Variants in CELF2 observed in about 807,000 individuals in gnomAD.
CELF2 encodes the protein CUG triplet repeat RNA-binding protein 2.
In CELF2, 8 loss-of-function variants were observed where a neutral mutation model predicts 62.6. The ratio of observed to expected loss-of-function variants is 0.13; its 90% confidence interval spans 0.07 to 0.23. The LOEUF (loss-of-function observed/expected upper bound fraction) is 0.23, where lower values mean the gene tolerates loss of function less well. Ranked by LOEUF, CELF2 falls within the 10% of genes least tolerant of loss-of-function variation. CELF2 has a pLI of 1.00. For missense variants in CELF2, 333 were observed against 671.0 expected (o/e 0.50, Z 5.56); for synonymous variants, 258 against 250.0 (o/e 1.03, Z -0.30).
chr10:10,925,460 G>A (rs752097416), intron 2 of CELF2, among the ~76,000 whole-genome samples: 114 of 152,144 alleles, frequency 7.5e-4, no homozygotes, highest in Middle Eastern at 6.8e-3. Context: ...TACCTTGGTT[G>A]TGGGAGAAAA....
chr10:11,026,908 G>A lies in CELF2; in HGVS notation c.74+8745G>A, dbSNP rs142048085. ...TATTTTGACTTCCTACATTATAGGA[G>A]GAGTGTTGAGTTTTCGAGTTGAGCA... is the stretch of plus-strand genomic sequence containing the variant. On this transcript the variant is annotated intron_variant, in intron 1 of 12. Coordinates refer to ENST00000633077, the MANE Select transcript of CELF2 (RefSeq NM_001326342.2). Among the ~76,000 whole-genome samples, 168 of 152,266 alleles carry A rather than the reference G, an allele frequency of 1.1e-3. 1 individual carries two copies. Among genetic ancestry groups the A allele is most frequent in the Non-Finnish European group, 2.0e-3 (137 of 68,012 alleles).
intron 1 of CELF2, among the ~76,000 whole-genome samples, chr10:10,895,695 A>T (rs2062497817): frequency 6.6e-6 from 1 of 152,206 alleles, no homozygotes; most frequent in African/African-American, 2.4e-5. Flanking sequence ...GACTAAATTT[A>T]TTCTCCTGTC....
At chr10:10,863,610 C>T (rs1664281683) in intron 1 of CELF2, among the ~76,000 whole-genome samples, 1 of 152,064 alleles carries the variant, frequency 6.6e-6, no homozygotes, top group Non-Finnish European at 1.5e-5. Context: ...CAGTTTTTTG[C>T]CGTCACTTTT....
At chr10:11,180,854 A>C (rs576102758) in intron 2 of CELF2, among the ~76,000 whole-genome samples, 204 of 149,732 alleles carry the variant, frequency 1.4e-3, no homozygotes, top group Non-Finnish European at 2.4e-3. Context: ...GCATGGAATG[A>C]ATGAATGAAT....
chr10:10,507,685 G>A, the CELF2 span, among the ~76,000 whole-genome samples: 2 of 152,132 alleles, frequency 1.3e-5, no homozygotes, highest in African/African-American at 4.8e-5. Flanking sequence ...AGGAATTTGT[G>A]GGAAGATGGA....
chr10:10,948,544 T>C (rs763688425), intron 2 of CELF2: 9 of 152,238 alleles, frequency 5.9e-5, no homozygotes, highest in African/African-American at 1.9e-4. Context: ...TTTGTGGGCT[T>C]CAATTTAACC....
the CELF2 span, among the ~76,000 whole-genome samples, chr10:10,712,991 C>A: frequency 1.3e-5 from 2 of 152,342 alleles, no homozygotes; most frequent in South Asian, 2.1e-4. Flanking sequence ...GCAAGGCCTC[C>A]AAAACCTGGC....
At chr10:10,857,679 AT>A (rs1193481843) in intron 1 of CELF2, among the ~76,000 whole-genome samples, 1 of 139,150 alleles carries the variant, frequency 7.2e-6, no homozygotes, top group Admixed American at 7.2e-5. Flanking sequence ...ATATATATAT[AT>A]ATTTTACCTC....
the CELF2 span, among the ~76,000 whole-genome samples, chr10:10,668,915 G>T: frequency 1.3e-5 from 2 of 152,128 alleles, no homozygotes; most frequent in Non-Finnish European, 2.9e-5. Context: ...CTGAGATCAT[G>T]CCACTACACT....
In CELF2 at chr10:11,255,266, G is replaced by A. The variant is rs539283421; in HGVS notation, c.404-2472G>A. ...CTCCCTCCCAGGAATTGGAGCCCGG[G>A]GTGCCTGTTGCCCATGTCTCCTCCG... On this transcript the variant is annotated intron_variant, in intron 4 of 12. Transcript: ENST00000633077. This position sits in a 1 kb window ranked among gnomAD's most constrained non-coding sequence, Gnocchi z 5.5. Among the ~76,000 whole-genome samples the A allele has an allele frequency of 6.6e-6, 1 of 152,170 alleles. No individual in the cohort carries two copies. Among genetic ancestry groups the A allele is most frequent in the South Asian group, 2.1e-4 (1 of 4,826 alleles).
intron 1 of CELF2, among the ~76,000 whole-genome samples, chr10:10,860,315 C>G (rs895065867): frequency 3.3e-5 from 5 of 152,124 alleles, no homozygotes; most frequent in African/African-American, 1.2e-4. Flanking sequence ...AATAGTTTGA[C>G]TTCACAGACC....
chr10:11,082,855 C>T lies in CELF2; in HGVS notation c.74+64692C>T, dbSNP rs115776893. Among the ~76,000 whole-genome samples the T allele has an allele frequency of 8.1e-3, 1,229 of 152,286 alleles. 15 individuals are homozygous for T. Among genetic ancestry groups the T allele is most frequent in the African/African-American group, 0.028 (1,177 of 41,556 alleles). On this transcript the variant is annotated intron_variant, in intron 1 of 12. Transcript: ENST00000633077. ...GATGGAGAAAGAAGCTGCCTTCGAGCAAAATGGTCAGAATTTGTTGTCCTT... is the reference window on the plus strand; with the variant it reads ...GATGGAGAAAGAAGCTGCCTTCGAGTAAAATGGTCAGAATTTGTTGTCCTT...
chr10:11,178,206 C>T lies in CELF2; in HGVS notation c.271+12524C>T, dbSNP rs944030384. Among the ~76,000 whole-genome samples, 6 of 152,186 alleles carry T rather than the reference C, an allele frequency of 3.9e-5. No homozygotes were observed. The highest frequency in any genetic ancestry group is 1.9e-4 in the East Asian group (1 of 5,198). ...CCAGTCCTCGCTCCCCTTTGCCAAC[C>T]GGGCTGCTGAGTGTGATGCTCCCTT... On this transcript the variant is annotated intron_variant, in intron 2 of 12. Coordinates refer to ENST00000633077, the MANE Select transcript of CELF2 (RefSeq NM_001326342.2). This position sits in a 1 kb window ranked among gnomAD's most constrained non-coding sequence, Gnocchi z 4.3.
At chr10:11,250,120 T>A (rs2076704433) in intron 4 of CELF2, among the ~76,000 whole-genome samples, 1 of 152,232 alleles carries the variant, frequency 6.6e-6, no homozygotes, top group Admixed American at 6.5e-5. Context: ...TGTAGTGCAT[T>A]CCATTTTCTG....
chr10:11,106,807 C>G (rs2053615437), intron 1 of CELF2, among the ~76,000 whole-genome samples: 1 of 152,226 alleles, frequency 6.6e-6, no homozygotes, highest in African/African-American at 2.4e-5. Flanking sequence ...TGTTTACACA[C>G]CCAGCATGGG....
At chr10:10,507,241 T>C in the CELF2 span, among the ~76,000 whole-genome samples, 2 of 152,120 alleles carry the variant, frequency 1.3e-5, no homozygotes, top group Admixed American at 1.3e-4. Flanking sequence ...TCTATGGAAC[T>C]CTAAGTCAAA....
At chr10:10,601,998 T>A in the CELF2 span, among the ~76,000 whole-genome samples, 1 of 152,174 alleles carries the variant, frequency 6.6e-6, no homozygotes, top group Non-Finnish European at 1.5e-5. Flanking sequence ...TGTTTGGTTT[T>A]TTGTTCCAGT....
chr10:10,800,587 A>G (rs2054562300), intron 1 of CELF2, among the ~76,000 whole-genome samples: 1 of 152,212 alleles, frequency 6.6e-6, no homozygotes, highest in Non-Finnish European at 1.5e-5. Flanking sequence ...TCCTGACCTC[A>G]GGTGATACAC....
At chr10:10,578,706 T>C in the CELF2 span, among the ~76,000 whole-genome samples, 2 of 152,184 alleles carry the variant, frequency 1.3e-5, no homozygotes, top group African/African-American at 2.4e-5. Flanking sequence ...TATTCTACTT[T>C]CATTACGTTG....
Sources: gnomAD v4.1 joint callset for allele counts (sites outside exome capture counted in the v4.1 genomes callset) on GRCh38, gnomAD v4.1.1 for gene constraint, Gnocchi (gnomAD v3.1) non-coding constraint, MANE v1.5 for transcripts, NCBI Gene and HGNC (gene_info 2026-07-23, HGNC 2026-07-21) for gene names.